Variants in ULK4 observed in about 807,000 individuals in gnomAD.
ULK4 encodes inactive serine/threonine-protein kinase ULK4.
ULK4 carries 133 observed loss-of-function variants against 160.6 expected under a neutral mutation model. That is an observed-to-expected ratio of 0.83 (90% CI 0.72 to 0.96). The LOEUF is 0.96. ULK4 is among the 40% of genes least tolerant of loss of function. ULK4 has a pLI of 0.00. For synonymous variants in ULK4, 534 were observed against 539.8 expected (o/e 0.99, Z 0.15); for missense variants, 1,580 against 1,499.5 (o/e 1.05, Z -0.89).
intron 31 of ULK4, among the ~76,000 whole-genome samples, chr3:41,602,398 G>A (rs2032151386): frequency 1.3e-5 from 2 of 151,136 alleles, no homozygotes; most frequent in African/African-American, 4.9e-5. Flanking sequence ...GAATTGGAAG[G>A]GGGAAGGGAA....
At chr3:41,610,798 C>T (rs1219611691) in intron 31 of ULK4, among the ~76,000 whole-genome samples, 1 of 152,142 alleles carries the variant, frequency 6.6e-6, no homozygotes, top group Non-Finnish European at 1.5e-5. Flanking sequence ...CATAAAATAT[C>T]ATGACAGCAA....
At chr3:41,279,575 C>T (rs959717855) in intron 35 of ULK4, among the ~76,000 whole-genome samples, 2 of 134 alleles carry the variant, frequency 0.015, no homozygotes, top group Non-Finnish European at 0.038. Context: ...GTCGGGTTAC[C>T]CCCAAAGGAA....
At chr3:41,558,596 C>T (rs1178513733) in intron 32 of ULK4, among the ~76,000 whole-genome samples, 1 of 151,476 alleles carries the variant, frequency 6.6e-6, no homozygotes. Flanking sequence ...CCCAGCTACT[C>T]GGGAGGCTGA....
intron 17 of ULK4, among the ~76,000 whole-genome samples, chr3:41,862,169 G>A (rs2042512605): frequency 1.3e-5 from 2 of 151,476 alleles, no homozygotes. Flanking sequence ...AATAAATTCT[G>A]CTAAAGGACG....
Position 41,663,525 on chromosome 3 carries a change from T to G in ULK4, c.3071+82A>C. On this transcript the variant is annotated intron_variant, in intron 30 of 36. Transcript: ENST00000301831. ...ACTCAAACATTAGTCTTTTGGAATC[T>G]CATCTTTAATAACATTTTCACAACA... 23 of 1,300,518 alleles carry G rather than the reference T, an allele frequency of 1.8e-5. No homozygotes were observed. In the South Asian group the frequency reaches 2.1e-4, roughly 12 times the overall value. The allele number at this position is 1,300,518 out of a possible 1,614,324, so 80.6% of individuals were successfully genotyped here. A position where few individuals can be genotyped will look rare whatever the true frequency, so the allele number is the denominator to read the frequency against.
chr3:41,922,962 A>C (rs1699244992), intron 5 of ULK4, among the ~76,000 whole-genome samples: 1 of 152,042 alleles, frequency 6.6e-6, no homozygotes, highest in African/African-American at 2.4e-5. Flanking sequence ...ACCCAAGGTC[A>C]GGAGTTCGAG....
At chr3:41,537,694 A>C (rs1015790951) in intron 32 of ULK4, among the ~76,000 whole-genome samples, 2 of 152,346 alleles carry the variant, frequency 1.3e-5, no homozygotes, top group African/African-American at 4.8e-5. Context: ...CATTGGGATC[A>C]ATCCAGAAAA....
Position 41,911,396 on chromosome 3 carries a change from G to A in ULK4, c.1016-10C>T, listed in dbSNP as rs1268302763. 1.2e-6 allele frequency: 2 copies of A among 1,613,844 alleles called. No individual in the cohort carries two copies. The highest frequency in any genetic ancestry group is 4.5e-5 in the East Asian group (2 of 44,866). On this transcript the variant is annotated splice_polypyrimidine_tract_variant and intron_variant, in intron 10 of 36. Transcript: ENST00000301831. The stretch of plus-strand genomic sequence containing the variant: ...AACTCAGTTGGATTTTCTGTAGCAG[G>A]AAAGTAATATGTTATCCAGAAAAGA...
chr3:41,883,395 T>C (rs1251935022), intron 17 of ULK4, among the ~76,000 whole-genome samples: 1 of 152,230 alleles, frequency 6.6e-6, no homozygotes, highest in Admixed American at 6.5e-5. Flanking sequence ...CTATGCTGAC[T>C]CTTGAGCCTC....
chr3:41,784,823 C>T (rs1218401396), intron 21 of ULK4, among the ~76,000 whole-genome samples: 1 of 152,154 alleles, frequency 6.6e-6, no homozygotes, highest in African/African-American at 2.4e-5. Flanking sequence ...AGAGAATAGA[C>T]TCTACCACCT....
chr3:41,717,661 T>A (rs1001468855), intron 23 of ULK4, 67 bp downstream of exon 23: 1 of 1,551,238 alleles, frequency 6.4e-7, no homozygotes, highest in African/African-American at 1.4e-5. Flanking sequence ...AAAGAACTGA[T>A]GCCTAAAAGC....
chr3:41,763,743 G>A (rs796722258), intron 21 of ULK4, among the ~76,000 whole-genome samples: 8 of 152,334 alleles, frequency 5.3e-5, no homozygotes, highest in African/African-American at 1.9e-4. Context: ...TCCAATAAGA[G>A]GTAAGCATCT....
At chr3:41,625,677 G>A (rs190365846) in intron 30 of ULK4, among the ~76,000 whole-genome samples, 6 of 152,190 alleles carry the variant, frequency 3.9e-5, no homozygotes, top group Non-Finnish European at 5.9e-5. Flanking sequence ...TTTCACTATC[G>A]GGCTCTGTTG....
intron 22 of ULK4, among the ~76,000 whole-genome samples, chr3:41,736,662 A>G (rs550309322): frequency 0.11 from 16,802 of 150,248 alleles, 3,231 homozygotes; most frequent in African/African-American, 0.39. Context: ...CTCTGATGGT[A>G]GTTTCTTTTG....
At chr3:41,760,869 C>T (rs1004179170) in intron 21 of ULK4, among the ~76,000 whole-genome samples, 3 of 150,908 alleles carry the variant, frequency 2.0e-5, no homozygotes, top group African/African-American at 4.9e-5. Flanking sequence ...TCAATGTGTA[C>T]GTGAAAAAAT....
intron 35 of ULK4, among the ~76,000 whole-genome samples, chr3:41,385,136 G>C (rs1404471571): frequency 3.3e-5 from 5 of 152,290 alleles, no homozygotes; most frequent in African/African-American, 1.2e-4. Context: ...ATTATGGTTA[G>C]AGATCAAGTG....
intron 32 of ULK4, among the ~76,000 whole-genome samples, chr3:41,545,389 C>A (rs976758454): frequency 1.3e-5 from 2 of 152,154 alleles, no homozygotes; most frequent in African/African-American, 4.8e-5. Flanking sequence ...TTAAAAGACA[C>A]TTTCTGGAGA....
At chr3:41,402,416 G>A (rs981610448) in intron 34 of ULK4, among the ~76,000 whole-genome samples, 1 of 152,132 alleles carries the variant, frequency 6.6e-6, no homozygotes, top group Non-Finnish European at 1.5e-5. Flanking sequence ...AGTGTGAGTA[G>A]ACACTCTTGC....
intron 32 of ULK4, among the ~76,000 whole-genome samples, chr3:41,495,078 A>G (rs1030263254): frequency 6.6e-6 from 1 of 152,148 alleles, no homozygotes; most frequent in Non-Finnish European, 1.5e-5. Context: ...TGGAAAAAAC[A>G]ACTTTCAAGT....
Sources: allele counts gnomAD v4.1 joint callset (sites outside exome capture counted in the v4.1 genomes callset), GRCh38; gene constraint gnomAD v4.1.1; transcripts MANE v1.5; gene names NCBI Gene and HGNC (gene_info 2026-07-23, HGNC 2026-07-21).